Variants in KBTBD4 observed in about 807,000 individuals in gnomAD.
KBTBD4 encodes the protein kelch repeat and BTB domain-containing protein 4.
A neutral mutation model predicts 43.9 loss-of-function variants in KBTBD4; 30 were observed. The ratio of observed to expected loss-of-function variants is 0.68; its 90% CI spans 0.51 to 0.93. The LOEUF is 0.93. Among genes scored for constraint, KBTBD4 ranks in the 40% least tolerant of loss-of-function variants. The probability of loss-of-function intolerance (pLI) is 0.00; values close to 1 mark genes in which losing one functional copy is unlikely to be tolerated. For synonymous variants in KBTBD4, 258 were observed against 256.9 expected (o/e 1.00, Z -0.04); for missense variants, 575 against 668.8 (o/e 0.86, Z 1.55).
At chr11:47,575,755 G>A in intron 2 of KBTBD4, 56 bp from the exon 3 acceptor site, 2 of 1,174,094 alleles carry the variant, frequency 1.7e-6, no homozygotes, top group South Asian at 1.3e-5. Flanking sequence ...GAAATTCAGA[G>A]TAAGGGACTT....
rs746451387 is a variant in KBTBD4, at chr11:47,573,732, G to A, written c.803C>T (p.Ser268Leu). Reference protein sequence around the residue: ...LIGKESSRTHSLAVSLHCAED... With the variant: ...LIGKESSRTHLLAVSLHCAED... ...TGCACAGTGCAAGGACACAGCCAAC[G>A]AGTGGGTACGAGATGACTCTTTCCC... The change falls in exon 4 of 4, where the codon TCG becomes TTG. Residue 268 changes from serine (S) to leucine (L), a missense_variant. By Grantham distance (145) the Ser-to-Leu change is moderately radical (BLOSUM62 -2). Coordinates refer to ENST00000430070, the MANE Select transcript of KBTBD4 (RefSeq NM_018095.6). The surrounding 1 kb of genome is among the most constrained non-coding windows in gnomAD (Gnocchi z 4.1). The A allele has an allele frequency of 6.9e-6, 11 of 1,594,532 alleles. No individual in the cohort carries two copies. The highest frequency in any genetic ancestry group is 1.1e-5 in the South Asian group (1 of 90,956).
At chr11:47,575,557 A>T in intron 3 of KBTBD4, 36 bp downstream of exon 3, 1 of 1,251,348 alleles carries the variant, frequency 8.0e-7, no homozygotes. Context: ...ATGCATGGAG[A>T]GTATGCAGTC....
At chr11:47,575,818 C>T (rs2097258163) in intron 2 of KBTBD4, 119 bp from the exon 3 acceptor site, 1 of 584,562 alleles carries the variant, frequency 1.7e-6, no homozygotes, top group Non-Finnish European at 3.1e-6. Flanking sequence ...TATATGTGTA[C>T]ATGCATACAT....
chr11:47,577,906 G>A lies in KBTBD4; in HGVS notation c.142C>T (p.Gln48Ter), dbSNP rs763081469. 4 of 1,614,182 alleles carry A rather than the reference G, an allele frequency of 2.5e-6. No individual in the cohort carries two copies. The Admixed American group carries it at 5.0e-5, about 20-fold the overall frequency. ...TCTAGACACAGTTTCATGATGCCTT[G>A]AGCCACACGGCCTGAATGTGACCGA... ...KDRSHSGRVA[Q>*]GIMKLCLEEE... Residue 48 changes from glutamine (Q) to a stop codon, truncating the protein, a stop_gained, in exon 2 of 4, where the codon CAA becomes TAA. Transcript: ENST00000430070. LOFTEE classifies it high-confidence loss of function.
chr11:47,576,813 A>C (rs568119482), intron 2 of KBTBD4, among the ~76,000 whole-genome samples: 4 of 151,738 alleles, frequency 2.6e-5, no homozygotes, highest in Non-Finnish European at 5.9e-5. Context: ...AGTAGCTGAG[A>C]CTACAGGTGC....
chr11:47,575,463 C>G, intron 3 of KBTBD4, 130 bp downstream of exon 3: 1 of 600,074 alleles, frequency 1.7e-6, no homozygotes, highest in South Asian at 1.7e-5. Context: ...GCCGAGATTG[C>G]GCCACTGCAC....
Position 47,573,908 on chromosome 11 carries a change from T to C in KBTBD4, c.745-118A>G, listed in dbSNP as rs1230873221. ...TGTTCCTAGCTTTATCATACTACTC[T>C]CTAATTACTGTATGGCATCCAACTC... On this transcript the variant is annotated intron_variant, in intron 3 of 3. Coordinates refer to ENST00000430070, the MANE Select transcript of KBTBD4 (RefSeq NM_018095.6). This position sits in a 1 kb window ranked among gnomAD's most constrained non-coding sequence, Gnocchi z 4.1. 5.4e-6 allele frequency: 5 copies of C among 922,646 alleles called. No homozygotes were observed. In the African/African-American group the frequency reaches 6.7e-5, roughly 12 times the overall value. 57.2% of individuals were successfully genotyped at this position (922,646 alleles called of 1,614,324 possible).
At position 47,577,926 on chromosome 11, in the gene KBTBD4, G is replaced by T; in HGVS notation, c.122C>A (p.Ser41Ter). Residue 41 changes from serine to a stop codon, truncating the protein, a stop_gained, in exon 2 of 4, where the codon TCA (serine) becomes TAA (stop). Transcript: ENST00000430070. LOFTEE classifies it high-confidence loss of function. Reference protein sequence around the residue: ...YFVNYTFKDRSHSGRVAQGIM... With the variant: ...YFVNYTFKDR The stretch of plus-strand genomic sequence containing the variant: ...GCCTTGAGCCACACGGCCTGAATGT[G>T]ACCGATCTTTGAAAGTGTAGTTCAC... 6.2e-7 allele frequency: 1 copy of T among 1,614,174 alleles called. No individual in the cohort carries two copies. The highest frequency in any genetic ancestry group is 1.1e-5 in the South Asian group (1 of 91,062).
At position 47,572,902 on chromosome 11, in the gene KBTBD4, GAGC is replaced by G; in HGVS notation, c.*25_*27del. The G allele has an allele frequency of 6.3e-7, 1 of 1,591,768 alleles. No homozygotes were observed. Among genetic ancestry groups the G allele is most frequent in the Non-Finnish European group, 8.6e-7 (1 of 1,166,648 alleles). On this transcript the variant is annotated 3_prime_UTR_variant, in exon 4 of 4. Coordinates refer to ENST00000430070, the MANE Select transcript of KBTBD4 (RefSeq NM_018095.6). ...GTTTGTATGGGGAGGGAAAAGGAGT[GAGC>G]AGTTCTCCTCCCCTCCCCACAGCCT...
intron 2 of KBTBD4, 139 bp downstream of exon 2, chr11:47,577,272 G>A: frequency 1.2e-6 from 1 of 837,102 alleles, no homozygotes; most frequent in South Asian, 1.8e-5. Context: ...TTTCTCAGCA[G>A]GTTATCTCAG....
intron 2 of KBTBD4, among the ~76,000 whole-genome samples, chr11:47,577,077 C>T (rs1310473607): frequency 2.0e-5 from 3 of 152,156 alleles, no homozygotes; most frequent in South Asian, 4.1e-4. Flanking sequence ...AGATATCTTG[C>T]CCCATCACCA....
chr11:47,573,648 G>T lies in KBTBD4; in HGVS notation c.887C>A (p.Ala296Asp). ...QNSLCHQITA[A>D]CKHGGDLYVV... Reference sequence around the variant, plus strand: ...ATACAAGTCTCCACCATGCTTGCAGGCCGCAGTGATCTGGTGGCACAAACT... The same window carrying T: ...ATACAAGTCTCCACCATGCTTGCAGTCCGCAGTGATCTGGTGGCACAAACT... Residue 296 changes from alanine to aspartate, a missense_variant, in exon 4 of 4, where the codon GCC (alanine) becomes GAC (aspartate). Physicochemically the swap from Ala to Asp is moderately radical, Grantham distance 126 (BLOSUM62 -2). Coordinates refer to ENST00000430070, the MANE Select transcript of KBTBD4 (RefSeq NM_018095.6). This position sits in a 1 kb window ranked among gnomAD's most constrained non-coding sequence, Gnocchi z 4.1. The T allele has an allele frequency of 6.2e-7, 1 of 1,613,854 alleles. No homozygotes were observed. Among genetic ancestry groups the T allele is most frequent in the Non-Finnish European group, 8.5e-7 (1 of 1,180,040 alleles).
intron 3 of KBTBD4, among the ~76,000 whole-genome samples, chr11:47,575,151 A>C (rs906610234): frequency 6.6e-6 from 1 of 151,104 alleles, no homozygotes; most frequent in Non-Finnish European, 1.5e-5. Context: ...TGGAGGTTGC[A>C]GCGAGCTGAG....
At chr11:47,575,398 T>G (rs2097257197) in intron 3 of KBTBD4, among the ~76,000 whole-genome samples, 195 bp downstream of exon 3, 1 of 150,500 alleles carries the variant, frequency 6.6e-6, no homozygotes, top group Non-Finnish European at 1.5e-5. Flanking sequence ...TCCCAGCTAC[T>G]AGGGAGGCTG....
intron 3 of KBTBD4, among the ~76,000 whole-genome samples, chr11:47,574,353 C>T (rs560617067): frequency 4.1e-4 from 62 of 151,744 alleles, no homozygotes; most frequent in South Asian, 2.3e-3. Context: ...AAAAATTAGC[C>T]GGGCGTGGTG....
chr11:47,578,365 T>C (rs2097264357), intron 1 of KBTBD4: 1 of 565,724 alleles, frequency 1.8e-6, no homozygotes, highest in African/African-American at 1.9e-5. Flanking sequence ...AGGCCTGTGA[T>C]CGTAAAAGCC....
rs2097254289 is a variant in KBTBD4, at chr11:47,573,768, A to C, written c.767T>G (p.Ile256Ser). ...AGATGACTCTTTCCCAATCAGGTAA[A>C]TGTGCACATTCTCCCCAATTTCCTA... Reference protein sequence around the residue: ...SLKEIGENVHIYLIGKESSRT... With the variant: ...SLKEIGENVHSYLIGKESSRT... The change falls in exon 4 of 4, where the codon ATT becomes AGT. Residue 256 changes from isoleucine (I) to serine (S), a missense_variant. Transcript: ENST00000430070. The surrounding 1 kb of genome is among the most constrained non-coding windows in gnomAD (Gnocchi z 4.1). The C allele has an allele frequency of 6.3e-7, 1 of 1,578,078 alleles. No homozygotes were observed.
Position 47,577,889 on chromosome 11 carries a change from C to T in KBTBD4, c.159G>A (p.Leu53=). The T allele has an allele frequency of 6.2e-7, 1 of 1,614,236 alleles. No individual in the cohort carries two copies. The highest frequency in any genetic ancestry group is 1.7e-5 in the Admixed American group (1 of 60,022). ...CAGCAAAGAGCTCCTCCTCTAGACA[C>T]AGTTTCATGATGCCTTGAGCCACAC... ...SGRVAQGIMK[L]CLEEELFADV... The change falls in exon 2 of 4, where the codon CTG becomes CTA. Residue 53 remains leucine (L), a synonymous_variant. Transcript: ENST00000430070.
In KBTBD4 at chr11:47,577,768, G is replaced by A; in HGVS notation, c.280C>T (p.Leu94=). ...ATCACCCGGTTGTGGGCCTCCTTCAGGTTGGAAGTGAACATGGATCGGAAG... is the reference window on the plus strand; with the variant it reads ...ATCACCCGGTTGTGGGCCTCCTTCAAGTTGGAAGTGAACATGGATCGGAAG... ...CFFRSMFTSN[L]KEAHNRVIVL... The change falls in exon 2 of 4, where the codon CTG becomes TTG. Residue 94 remains leucine, a synonymous_variant. Transcript: ENST00000430070. The A allele has an allele frequency of 6.2e-7, 1 of 1,614,158 alleles. No homozygotes were observed. Among genetic ancestry groups the A allele is most frequent in the Non-Finnish European group, 8.5e-7 (1 of 1,180,028 alleles).
Sources: gnomAD v4.1 joint callset for allele counts (sites outside exome capture counted in the v4.1 genomes callset) on GRCh38, gnomAD v4.1.1 for gene constraint, Gnocchi (gnomAD v3.1) non-coding constraint, MANE v1.5 for transcripts, NCBI Gene and HGNC (gene_info 2026-07-23, HGNC 2026-07-21) for gene names.